Variants in NDST3 observed in about 807,000 individuals in gnomAD.
NDST3 encodes bifunctional heparan sulfate N-deacetylase/N-sulfotransferase 3.
Under a neutral mutation model 96.1 loss-of-function variants are expected in NDST3, and 58 were observed. The ratio of observed to expected loss-of-function variants is 0.60; its 90% CI spans 0.49 to 0.75. The LOEUF is 0.75. Among genes scored for constraint, NDST3 ranks in the 30% least tolerant of loss-of-function variants. The probability of loss-of-function intolerance (pLI) is 0.00; values close to 1 mark genes in which losing one functional copy is unlikely to be tolerated. For missense variants in NDST3, 788 were observed against 1,034.2 expected, an observed-to-expected ratio of 0.76 and a Z score of 3.27; for synonymous variants, 333 against 359.7, an observed-to-expected ratio of 0.93 and a Z score of 0.84.
chr4:118,034,138 T>C (rs1724020908), upstream of NDST3, among the ~76,000 whole-genome samples: 1 of 152,238 alleles, frequency 6.6e-6, no homozygotes, highest in East Asian at 1.9e-4. Context: ...CTTGAGTGAC[T>C]GTGGGTTTGT....
At chr4:118,226,488 A>G (rs1044871046) in intron 7 of NDST3, among the ~76,000 whole-genome samples, 21 of 152,318 alleles carry the variant, frequency 1.4e-4, no homozygotes, top group African/African-American at 4.8e-4. Context: ...AAAGTTACTT[A>G]GAATAAAGAT....
intron 6 of NDST3, among the ~76,000 whole-genome samples, chr4:118,170,145 G>A (rs1269312704): frequency 1.3e-5 from 2 of 152,112 alleles, no homozygotes; most frequent in Non-Finnish European, 2.9e-5. Context: ...TCTCTTTATA[G>A]GAGACTGACA....
At chr4:118,246,891 C>T (rs1026748488) in intron 12 of NDST3, among the ~76,000 whole-genome samples, 4 of 152,088 alleles carry the variant, frequency 2.6e-5, no homozygotes, top group African/African-American at 9.7e-5. Flanking sequence ...AGATTTGGTG[C>T]GGACACAGAG....
intron 2 of NDST3, among the ~76,000 whole-genome samples, chr4:118,092,135 C>A (rs978867141): frequency 6.6e-6 from 1 of 150,896 alleles, no homozygotes; most frequent in Non-Finnish European, 1.5e-5. Context: ...CATATGTATA[C>A]ATGTGCCATG....
At position 118,138,070 on chromosome 4, in the gene NDST3, C is replaced by A; in HGVS notation, c.1241C>A (p.Thr414Lys). The A allele has an allele frequency of 1.2e-6, 2 of 1,606,950 alleles. No individual in the cohort carries two copies. The highest frequency in any genetic ancestry group is 1.7e-6 in the Non-Finnish European group (2 of 1,177,060). Residue 414 changes from threonine (T) to lysine (K), a missense_variant, in exon 5 of 14, where the codon ACG becomes AAG. Thr to Lys is a moderately conservative substitution (Grantham distance 78). This residue lies in a region of NDST3 where 490 missense variants were observed against 708.8 expected (regional missense o/e 0.69). Coordinates refer to ENST00000296499, the MANE Select transcript of NDST3 (RefSeq NM_004784.3). ...KKFALEHGIPTDMGYAVAPHH... is the reference protein window; with the variant it reads ...KKFALEHGIPKDMGYAVAPHH... ...TGGTCTTAGGAGCACGGCATTCCAA[C>A]GGACATGGGCTACGCTGTGGCCCCT...
At position 118,226,759 on chromosome 4, in the gene NDST3, T is replaced by C. The variant is rs1176484111; in HGVS notation, c.1723-127T>C. 7.6e-6 allele frequency: 5 copies of C among 656,094 alleles called. No individual in the cohort carries two copies. In the East Asian group the frequency reaches 8.0e-5, roughly 11 times the overall value. The allele number at this position is 656,094 out of a possible 1,614,324, so 40.6% of individuals were successfully genotyped here. On this transcript the variant is annotated intron_variant, in intron 7 of 13. Transcript: ENST00000296499. ...ATGCCACTTCAGGGCTTTCATTTTTTTAAAAGAGTCTATTTTTTATCCCAG... is the reference window on the plus strand; with the variant it reads ...ATGCCACTTCAGGGCTTTCATTTTTCTAAAAGAGTCTATTTTTTATCCCAG...
At chr4:118,209,463 G>T (rs1372584891) in intron 6 of NDST3, among the ~76,000 whole-genome samples, 1 of 152,166 alleles carries the variant, frequency 6.6e-6, no homozygotes, top group African/African-American at 2.4e-5. Flanking sequence ...GAGAACTGGA[G>T]ATGTTCTCAT....
intron 3 of NDST3, among the ~76,000 whole-genome samples, chr4:118,110,265 T>C (rs1730532063): frequency 6.6e-6 from 1 of 152,208 alleles, no homozygotes. Flanking sequence ...CAATGTTATA[T>C]TGAATGAATA....
chr4:118,081,426 G>C (rs189556170), intron 2 of NDST3, among the ~76,000 whole-genome samples: 63 of 151,974 alleles, frequency 4.1e-4, no homozygotes, highest in Non-Finnish European at 4.0e-4. Context: ...GTGTGTGTGC[G>C]AGAGAGAGAT....
At chr4:118,220,257 C>CACAT (rs1473693864) in intron 6 of NDST3, among the ~76,000 whole-genome samples, 1 of 151,904 alleles carries the variant, frequency 6.6e-6, no homozygotes. Context: ...ACATATAAAC[C>CACAT]ATGGGATACT....
intron 6 of NDST3, among the ~76,000 whole-genome samples, chr4:118,181,924 T>C (rs183422125): frequency 6.6e-6 from 1 of 152,284 alleles, no homozygotes; most frequent in East Asian, 1.9e-4. Context: ...GTATACCTAA[T>C]AGGTGACTCA....
At chr4:118,071,294 G>A (rs11098423) in intron 2 of NDST3, among the ~76,000 whole-genome samples, 78,856 of 151,926 alleles carry the variant, frequency 0.52, 24,641 homozygotes, top group East Asian at 0.72. Flanking sequence ...AAGGGTACAT[G>A]TGCAAGTTTG....
chr4:118,108,056 G>A (rs1386500970), intron 3 of NDST3, among the ~76,000 whole-genome samples: 1 of 152,172 alleles, frequency 6.6e-6, no homozygotes, highest in African/African-American at 2.4e-5. Context: ...AGAGGGCTTC[G>A]TAACTTAATG....
chr4:118,227,023 C>T (rs1406675937), intron 8 of NDST3, 41 bp downstream of exon 8: 1 of 1,310,500 alleles, frequency 7.6e-7, no homozygotes, highest in Non-Finnish European at 1.1e-6. Flanking sequence ...TGTAAATTTT[C>T]TGATGACTAG....
rs77904060 is a variant in NDST3, at chr4:118,081,369, A to G, written c.982-23649A>G. Among the ~76,000 whole-genome samples the G allele has an allele frequency of 9.1e-3, 1,384 of 152,186 alleles. 13 individuals carry two copies. Among genetic ancestry groups the G allele is most frequent in the African/African-American group, 0.031 (1,304 of 41,546 alleles). ...ATAGCTCACAATTATGTGCATATAAAACTCAGTTTATTTTTTAAATGATGC... is the reference window on the plus strand; with the variant it reads ...ATAGCTCACAATTATGTGCATATAAGACTCAGTTTATTTTTTAAATGATGC... On this transcript the variant is annotated intron_variant, in intron 2 of 13. Coordinates refer to ENST00000296499, the MANE Select transcript of NDST3 (RefSeq NM_004784.3).
intron 1 of NDST3, among the ~76,000 whole-genome samples, chr4:118,049,700 A>G (rs962481141): frequency 1.3e-5 from 2 of 151,476 alleles, no homozygotes; most frequent in African/African-American, 4.8e-5. Flanking sequence ...AAAGACCAAT[A>G]TCAAGCTCTG....
At chr4:118,082,229 A>G (rs1278012051) in intron 2 of NDST3, among the ~76,000 whole-genome samples, 2 of 152,158 alleles carry the variant, frequency 1.3e-5, no homozygotes, top group Non-Finnish European at 2.9e-5. Flanking sequence ...CTGTCCATGG[A>G]TACTTACAAG....
chr4:118,225,587 C>T (rs1006977602), intron 7 of NDST3, among the ~76,000 whole-genome samples: 2 of 152,154 alleles, frequency 1.3e-5, no homozygotes, highest in African/African-American at 2.4e-5. Context: ...AGCTGTACTT[C>T]TTAATCACTG....
At chr4:118,063,551 T>C (rs190245414) in intron 2 of NDST3, among the ~76,000 whole-genome samples, 1 of 152,310 alleles carries the variant, frequency 6.6e-6, no homozygotes, top group Admixed American at 6.5e-5. Flanking sequence ...TCCATGTTTC[T>C]AGAAAATAAA....
Sources: allele counts gnomAD v4.1 joint callset (sites outside exome capture counted in the v4.1 genomes callset), GRCh38; gene constraint gnomAD v4.1.1; regional missense constraint gnomAD v4.1.1; transcripts MANE v1.5; gene names NCBI Gene and HGNC (gene_info 2026-07-23, HGNC 2026-07-21).